Variants in KDM3A observed in about 807,000 individuals in gnomAD.
KDM3A encodes lysine-specific demethylase 3A.
In KDM3A, 60 loss-of-function variants were observed where a neutral mutation model predicts 158.0. The observed-to-expected ratio is 0.38, with a 90% CI of 0.31 to 0.47. KDM3A has a LOEUF of 0.47. KDM3A is among the 20% of genes least tolerant of loss of function. The pLI, the probability that KDM3A is intolerant of heterozygous loss-of-function variation, is 0.99. For synonymous variants in KDM3A, 608 were observed against 549.3 expected, an observed-to-expected ratio of 1.11 and a Z score of -1.49; for missense variants, 1,319 against 1,574.3, an observed-to-expected ratio of 0.84 and a Z score of 2.74.
chr2:86,460,790 T>C (rs560580030), intron 8 of KDM3A: 1 of 152,196 alleles, frequency 6.6e-6, no homozygotes, highest in Non-Finnish European at 1.5e-5. Context: ...GAGGAACTAT[T>C]GCCATGACTG....
intron 12 of KDM3A, among the ~76,000 whole-genome samples, chr2:86,476,897 C>T (rs961308742): frequency 6.6e-6 from 1 of 152,166 alleles, no homozygotes; most frequent in Non-Finnish European, 1.5e-5. Context: ...AGATGTTCTC[C>T]ATAGAACAGG....
In KDM3A at chr2:86,442,122, C is replaced by T; in HGVS notation, c.75C>T (p.Gly25=). 1 of 1,614,038 alleles carries T rather than the reference C, an allele frequency of 6.2e-7. No individual in the cohort carries two copies. Among genetic ancestry groups the T allele is most frequent in the South Asian group, 1.1e-5 (1 of 91,088 alleles). ...TTCTCAGTCTGTCCGCAGCCGACGG[C>T]AGCGATGGCAGCCACGACAGCTGGG... ...RRFLSLSAAD[G]SDGSHDSWDV... is the part of the protein sequence containing the mutation. Residue 25 remains glycine, a synonymous_variant, in exon 2 of 26, where the codon GGC becomes GGT. Transcript: ENST00000312912.
intron 10 of KDM3A, 106 bp from the exon 11 acceptor site, chr2:86,470,098 G>GTCCC: frequency 1.2e-6 from 1 of 829,600 alleles, no homozygotes; most frequent in Admixed American, 2.3e-5. Flanking sequence ...ATTGAGAAGG[G>GTCCC]AGTTCTCTTT....
intron 16 of KDM3A, 98 bp downstream of exon 16, chr2:86,480,460 G>A (rs1673867428): frequency 9.5e-7 from 1 of 1,049,546 alleles, no homozygotes. Context: ...GGAATGGAAA[G>A]TGCTTCTCTG....
upstream of KDM3A, among the ~76,000 whole-genome samples, chr2:86,440,077 T>G (rs115676947): frequency 9.8e-5 from 15 of 152,340 alleles, no homozygotes; most frequent in Non-Finnish European, 2.1e-4. Flanking sequence ...CTGGTTTCTT[T>G]TGCTTATCTC....
At chr2:86,457,964 C>G (rs2104647283) in intron 8 of KDM3A, among the ~76,000 whole-genome samples, 1 of 152,260 alleles carries the variant, frequency 6.6e-6, no homozygotes, top group Admixed American at 6.5e-5. Context: ...TATTCCAATA[C>G]AAATAACTTT....
At chr2:86,467,405 T>G (rs2104666794) in intron 10 of KDM3A, 1 of 152,912 alleles carries the variant, frequency 6.5e-6, no homozygotes, top group South Asian at 2.1e-4. Context: ...AGATGCAGAA[T>G]TGTATCATTT....
chr2:86,469,234 CCTT>C (rs1229111498), intron 10 of KDM3A, among the ~76,000 whole-genome samples: 2 of 152,206 alleles, frequency 1.3e-5, no homozygotes, highest in African/African-American at 4.8e-5. Flanking sequence ...TTATTTAAAA[CCTT>C]CTTTGGTTTG....
At chr2:86,468,719 T>G (rs1673266770) in intron 10 of KDM3A, among the ~76,000 whole-genome samples, 1 of 152,156 alleles carries the variant, frequency 6.6e-6, no homozygotes, top group African/African-American at 2.4e-5. Context: ...TTTCTTCCAC[T>G]TGGGGTCTAG....
At chr2:86,465,889 TTACTA>T (rs1200130914) in intron 9 of KDM3A, among the ~76,000 whole-genome samples, 1 of 151,012 alleles carries the variant, frequency 6.6e-6, no homozygotes, top group African/African-American at 2.4e-5. Context: ...AACATAATCT[TTACTA>T]TAGAAGAAAG....
At chr2:86,470,434 A>G (rs1673351304) in intron 11 of KDM3A, 26 bp downstream of exon 11, 8 of 1,594,004 alleles carry the variant, frequency 5.0e-6, no homozygotes, top group Non-Finnish European at 6.9e-6. Context: ...AAAAGTTCAG[A>G]TAATCTGGGC....
At chr2:86,482,920 C>T (rs1674009564) in intron 18 of KDM3A, 1 of 527,774 alleles carries the variant, frequency 1.9e-6, no homozygotes, top group African/African-American at 1.9e-5. Flanking sequence ...TTGCTTCCTA[C>T]CAGTCCCTGT....
chr2:86,440,465 A>AC (rs1459881648), upstream of KDM3A, among the ~76,000 whole-genome samples: 1 of 152,198 alleles, frequency 6.6e-6, no homozygotes, highest in African/African-American at 2.4e-5. Context: ...AATCACCTCT[A>AC]AACTCCTTTG....
chr2:86,439,955 C>T (rs1682596873), upstream of KDM3A, among the ~76,000 whole-genome samples: 1 of 152,144 alleles, frequency 6.6e-6, no homozygotes, highest in Admixed American at 6.5e-5. Flanking sequence ...GCTGGATTGT[C>T]CTTTTATTCC....
rs2104707680 is a variant in KDM3A at position 86,485,751 on chromosome 2, A to G, written c.3205A>G (p.Ile1069Val). ...TAGGTTTGATGATCTGATGGCCAAC[A>G]TTCCACTGCCCGAGTACACAAGGCG... Reference protein sequence around the residue: ...PSRFDDLMANIPLPEYTRRDG... With the variant: ...PSRFDDLMANVPLPEYTRRDG... The change falls in exon 21 of 26, where the codon ATT becomes GTT. Residue 1069 changes from isoleucine (I) to valine (V), a missense_variant. Physicochemically the swap from Ile to Val is conservative, Grantham distance 29 (BLOSUM62 3). Around this residue, in one of 4 missense-constraint regions of KDM3A, gnomAD observed 186 missense variants for 340.9 expected, o/e 0.55. Coordinates refer to ENST00000312912, the MANE Select transcript of KDM3A (RefSeq NM_018433.6). 6.2e-7 allele frequency: 1 copy of G among 1,614,070 alleles called. No homozygotes were observed. The highest frequency in any genetic ancestry group is 8.5e-7 in the Non-Finnish European group (1 of 1,179,938).
upstream of KDM3A, among the ~76,000 whole-genome samples, chr2:86,438,487 A>T (rs932106754): frequency 6.6e-6 from 1 of 152,018 alleles, no homozygotes; most frequent in African/African-American, 2.4e-5. Flanking sequence ...CTAAGAGTGG[A>T]TTTTAAGTGT....
chr2:86,482,025 A>T lies in KDM3A; in HGVS notation c.2608A>T (p.Asn870Tyr). The change falls in exon 17 of 26, where the codon AAC becomes TAC. Residue 870 changes from asparagine (N) to tyrosine (Y), a missense_variant. By Grantham distance (143) the Asn-to-Tyr change is moderately radical. Coordinates refer to ENST00000312912, the MANE Select transcript of KDM3A (RefSeq NM_018433.6). The stretch of plus-strand genomic sequence containing the variant: ...ATCCAGCACAGTCCTCCATACGTTT[A>T]ACAGCACAATTTTGACACCCGTAAG... ...SKSSTVLHTF[N>Y]STILTPVSNN... 1 of 1,614,142 alleles carries T rather than the reference A, an allele frequency of 6.2e-7. No individual in the cohort carries two copies. Among genetic ancestry groups the T allele is most frequent in the Non-Finnish European group, 8.5e-7 (1 of 1,179,972 alleles).
At chr2:86,441,704 C>CGGGGCTG (rs1228202500) in intron 1 of KDM3A, among the ~76,000 whole-genome samples, 1 of 151,044 alleles carries the variant, frequency 6.6e-6, no homozygotes, top group African/African-American at 2.4e-5. Context: ...CTTTTCTTTT[C>CGGGGCTG]GGGGCTGGGG....
chr2:86,437,169 C>T (rs920470807), upstream of KDM3A, among the ~76,000 whole-genome samples: 3 of 151,476 alleles, frequency 2.0e-5, no homozygotes, highest in Non-Finnish European at 4.4e-5. Context: ...GAGACAGAGT[C>T]TTGCTTCGTC....
Sources: allele counts gnomAD v4.1 joint callset (sites outside exome capture counted in the v4.1 genomes callset), GRCh38; gene constraint gnomAD v4.1.1; regional missense constraint gnomAD v4.1.1; transcripts MANE v1.5; gene names NCBI Gene and HGNC (gene_info 2026-07-23, HGNC 2026-07-21).